The following FOXN3 variants were observed in gnomAD, a reference collection of about 807,000 sequenced individuals.
FOXN3 encodes forkhead box N3.
A neutral mutation model predicts 38.4 loss-of-function variants in FOXN3; 7 were observed. The observed-to-expected ratio is 0.18, with a 90% CI of 0.10 to 0.34. The LOEUF (loss-of-function observed/expected upper bound fraction) is 0.34, where lower values mean the gene tolerates loss of function less well. Ranked by LOEUF, FOXN3 falls within the 10% of genes least tolerant of loss-of-function variation. FOXN3 has a pLI of 1.00. For missense variants in FOXN3, 456 were observed against 613.4 expected, an observed-to-expected ratio of 0.74 and a Z score of 2.71; for synonymous variants, 230 against 242.2, an observed-to-expected ratio of 0.95 and a Z score of 0.47.
intron 1 of FOXN3, among the ~76,000 whole-genome samples, chr14:89,568,663 T>C (rs1481381271): frequency 6.6e-6 from 1 of 152,260 alleles, no homozygotes; most frequent in Non-Finnish European, 1.5e-5. Flanking sequence ...TTGCTAATTA[T>C]ACAGAAATTC....
chr14:89,441,970 G>C (rs948509967), intron 1 of FOXN3, among the ~76,000 whole-genome samples: 2 of 146,820 alleles, frequency 1.4e-5, no homozygotes, highest in African/African-American at 5.2e-5. Context: ...CTTGTTGCCC[G>C]GGCTGGAGTG....
chr14:89,178,998 A>C (rs1480194009), intron 5 of FOXN3, among the ~76,000 whole-genome samples: 1 of 152,228 alleles, frequency 6.6e-6, no homozygotes, highest in African/African-American at 2.4e-5. Context: ...CAACACAGGA[A>C]AGATTTTAAG....
intron 4 of FOXN3, among the ~76,000 whole-genome samples, chr14:89,222,765 T>A (rs1035096783): frequency 1.3e-5 from 2 of 152,104 alleles, no homozygotes; most frequent in African/African-American, 4.8e-5. Flanking sequence ...ATAAACATCA[T>A]TTTCTTTGCT....
chr14:89,287,279 G>A (rs1019570874), intron 3 of FOXN3, among the ~76,000 whole-genome samples: 4 of 151,974 alleles, frequency 2.6e-5, no homozygotes, highest in African/African-American at 7.3e-5. Flanking sequence ...TTAGCCTCCC[G>A]AGTAGCTGTG....
At chr14:89,482,528 C>T (rs1893354076) in intron 1 of FOXN3, among the ~76,000 whole-genome samples, 1 of 152,156 alleles carries the variant, frequency 6.6e-6, no homozygotes, top group Non-Finnish European at 1.5e-5. Context: ...ACAGGAGGAT[C>T]CCTTGAGCCC....
intron 2 of FOXN3, among the ~76,000 whole-genome samples, chr14:89,355,865 A>G (rs938750619): frequency 6.6e-6 from 1 of 152,074 alleles, no homozygotes; most frequent in Non-Finnish European, 1.5e-5. Context: ...AAAGCCCCCT[A>G]TTAGCAACAG....
chr14:89,441,717 A>G (rs560294268), intron 1 of FOXN3, among the ~76,000 whole-genome samples: 2 of 152,268 alleles, frequency 1.3e-5, no homozygotes, highest in Non-Finnish European at 2.9e-5. Context: ...ATGCATTAAC[A>G]TATCTATGAA....
At chr14:89,214,257 C>T (rs1379002071) in intron 4 of FOXN3, among the ~76,000 whole-genome samples, 2 of 152,188 alleles carry the variant, frequency 1.3e-5, no homozygotes, top group African/African-American at 4.8e-5. Context: ...AAGCAAGCTC[C>T]GTCATCCTCA....
intron 1 of FOXN3, among the ~76,000 whole-genome samples, chr14:89,582,940 A>ATGTG (rs1895774378): frequency 6.6e-6 from 1 of 152,122 alleles, no homozygotes; most frequent in South Asian, 2.1e-4. Flanking sequence ...CCATAATGTC[A>ATGTG]TGTGTATCAA....
intron 3 of FOXN3, among the ~76,000 whole-genome samples, chr14:89,325,347 C>CACTACCACCACT: frequency 8.1e-6 from 1 of 122,730 alleles, no homozygotes; most frequent in South Asian, 2.4e-4. Flanking sequence ...CCACCACCAC[C>CACTACCACCACT]ACCACCACCA....
intron 2 of FOXN3, among the ~76,000 whole-genome samples, chr14:89,408,256 G>C (rs1378397430): frequency 3.3e-5 from 5 of 151,824 alleles, no homozygotes; most frequent in African/African-American, 9.7e-5. Flanking sequence ...TCTCCAGAAA[G>C]GGGCCCAAGA....
chr14:89,349,271 A>G (rs535578736), intron 3 of FOXN3, among the ~76,000 whole-genome samples: 14 of 152,290 alleles, frequency 9.2e-5, no homozygotes, highest in Non-Finnish European at 1.6e-4. Context: ...CATGTCTACT[A>G]TGTTGGCTGG....
At chr14:89,465,282 T>C (rs769061473) in intron 1 of FOXN3, among the ~76,000 whole-genome samples, 10 of 152,190 alleles carry the variant, frequency 6.6e-5, no homozygotes, top group African/African-American at 1.9e-4. Flanking sequence ...CAGGCTGGAG[T>C]GCAGTCGCAC....
intron 4 of FOXN3, among the ~76,000 whole-genome samples, 155 bp from the exon 5 acceptor site, chr14:89,180,961 C>CAT (rs1488394441): frequency 6.7e-6 from 1 of 150,330 alleles, no homozygotes. Flanking sequence ...CATACACACA[C>CAT]ACACACACAG....
At chr14:89,531,716 C>A (rs972412665) in intron 1 of FOXN3, among the ~76,000 whole-genome samples, 1 of 152,262 alleles carries the variant, frequency 6.6e-6, no homozygotes, top group African/African-American at 2.4e-5. Context: ...TTCTGCCAAA[C>A]TTCCAGGTGA....
At chr14:89,396,508 A>T (rs1274315508) in intron 2 of FOXN3, among the ~76,000 whole-genome samples, 1 of 152,198 alleles carries the variant, frequency 6.6e-6, no homozygotes, top group African/African-American at 2.4e-5. Context: ...ACATCAGTCA[A>T]ATCCAGGTAC....
In FOXN3 at chr14:89,162,762, C is replaced by T. The variant is rs113598579; in HGVS notation, c.1059G>A (p.Glu353=). The T allele has an allele frequency of 5.8e-5, 93 of 1,613,096 alleles. 3 individuals carry two copies. In the South Asian group the frequency reaches 9.8e-4, roughly 17 times the overall value. Residue 353 remains glutamate, a synonymous_variant, in exon 6 of 6, where the codon GAG becomes GAA. Transcript: ENST00000557258. This position sits in a 1 kb window ranked among gnomAD's most constrained non-coding sequence, Gnocchi z 7.2. ...HYEFATKGSQ[E]GSEGSEGSFR... ...AGCTCCCCTCGCTGCCCTCGCTGCCCTCCTGGCTCCCCTTGGTGGCAAACT... is the reference window on the plus strand; with the variant it reads ...AGCTCCCCTCGCTGCCCTCGCTGCCTTCCTGGCTCCCCTTGGTGGCAAACT...
At chr14:89,438,880 CAGCTTGAGT>C (rs1273052777) in intron 1 of FOXN3, among the ~76,000 whole-genome samples, 1 of 152,056 alleles carries the variant, frequency 6.6e-6, no homozygotes, top group African/African-American at 2.4e-5. Context: ...TCTCCTGCCT[CAGCTTGAGT>C]AGCTGGGATT....
intron 4 of FOXN3, among the ~76,000 whole-genome samples, chr14:89,207,898 C>T (rs1413587073): frequency 6.6e-6 from 1 of 152,024 alleles, no homozygotes; most frequent in African/African-American, 2.4e-5. Flanking sequence ...TGACCTTCCA[C>T]TATAATCAGT....
Sources: allele counts gnomAD v4.1 joint callset (sites outside exome capture counted in the v4.1 genomes callset), GRCh38; gene constraint gnomAD v4.1.1; non-coding constraint Gnocchi (gnomAD v3.1); transcripts MANE v1.5; gene names NCBI Gene and HGNC (gene_info 2026-07-23, HGNC 2026-07-21).